Variants in SLC23A2 observed in about 807,000 individuals in gnomAD.
SLC23A2 encodes Na(+)/L-ascorbic acid transporter 2.
SLC23A2 carries 36 observed loss-of-function variants against 73.3 expected under a neutral mutation model. That is an observed-to-expected ratio of 0.49 (90% CI 0.38 to 0.65). The LOEUF is 0.65. SLC23A2 is among the 30% of genes least tolerant of loss of function. SLC23A2 has a pLI of 0.00. For synonymous variants in SLC23A2, 343 were observed against 327.3 expected, an observed-to-expected ratio of 1.05 and a Z score of -0.52; for missense variants, 507 against 841.6, an observed-to-expected ratio of 0.60 and a Z score of 4.92.
chr20:5,006,553 T>G (rs1234002972), intron 1 of SLC23A2, among the ~76,000 whole-genome samples: 1 of 138,824 alleles, frequency 7.2e-6, no homozygotes, highest in Non-Finnish European at 1.7e-5. Context: ...GCCATTTTAT[T>G]TATTTATTTA....
At chr20:5,005,981 C>G (rs927457536), upstream of SLC23A2, among the ~76,000 whole-genome samples, 1 of 149,704 alleles carries the variant, frequency 6.7e-6, no homozygotes, top group Non-Finnish European at 1.5e-5. Context: ...AGCGAAACTC[C>G]GTCTCAAAAA....
chr20:4,994,715 C>T (rs892642335), intron 1 of SLC23A2, among the ~76,000 whole-genome samples: 7 of 151,966 alleles, frequency 4.6e-5, no homozygotes, highest in African/African-American at 7.3e-5. Flanking sequence ...GAGCCGATAT[C>T]GCACCACTGC....
chr20:5,005,952 C>T (rs1047200925), upstream of SLC23A2, among the ~76,000 whole-genome samples: 1 of 151,736 alleles, frequency 6.6e-6, no homozygotes, highest in African/African-American at 2.4e-5. Context: ...CACCATTGTA[C>T]TCCAGCCTGG....
chr20:4,978,557 C>A (rs970541809), intron 1 of SLC23A2, among the ~76,000 whole-genome samples: 4 of 152,150 alleles, frequency 2.6e-5, no homozygotes, highest in Non-Finnish European at 5.9e-5. Context: ...ACAAAAGGGG[C>A]TTAGAAATCC....
chr20:4,917,101 G>A (rs1235894604), intron 3 of SLC23A2, among the ~76,000 whole-genome samples: 6 of 152,182 alleles, frequency 3.9e-5, no homozygotes, highest in African/African-American at 1.4e-4. Flanking sequence ...CCCTGCAGGA[G>A]CTCAGTCCAG....
intron 6 of SLC23A2, among the ~76,000 whole-genome samples, chr20:4,898,398 G>A (rs372884520): frequency 6.6e-5 from 10 of 152,314 alleles, no homozygotes; most frequent in African/African-American, 1.7e-4. Context: ...TCCCCGTGCC[G>A]CGTTAGGGCA....
chr20:4,952,840 T>C (rs1349247235), intron 2 of SLC23A2, among the ~76,000 whole-genome samples: 1 of 151,728 alleles, frequency 6.6e-6, no homozygotes, highest in Non-Finnish European at 1.5e-5. Context: ...CTGATCAACA[T>C]GGTGAAACTC....
intron 3 of SLC23A2, among the ~76,000 whole-genome samples, chr20:4,924,749 C>T (rs770552234): frequency 6.6e-6 from 1 of 152,258 alleles, no homozygotes; most frequent in African/African-American, 2.4e-5. Context: ...CAAAGGCCGC[C>T]TTCTTGGTGC....
intron 4 of SLC23A2, among the ~76,000 whole-genome samples, chr20:4,911,156 G>A (rs1932132075): frequency 6.6e-6 from 1 of 152,194 alleles, no homozygotes; most frequent in Admixed American, 6.5e-5. Context: ...CTGCGGCCCG[G>A]CAGTGTGGGA....
At chr20:4,896,866 T>C (rs1387265205) in intron 6 of SLC23A2, among the ~76,000 whole-genome samples, 1 of 152,204 alleles carries the variant, frequency 6.6e-6, no homozygotes, top group Non-Finnish European at 1.5e-5. Context: ...CTCTGGCCTC[T>C]GTGTGCCTGG....
At chr20:4,925,382 C>T (rs1932634265) in intron 3 of SLC23A2, among the ~76,000 whole-genome samples, 1 of 152,134 alleles carries the variant, frequency 6.6e-6, no homozygotes, top group Non-Finnish European at 1.5e-5. Flanking sequence ...TATTTTTCTT[C>T]ACAGAATTAG....
rs1931679228 is a variant in SLC23A2, at chr20:4,899,793, T to G, written c.325-81A>C. The stretch of plus-strand genomic sequence containing the variant: ...TGATTTCATCCTAATTCTTCTCTCT[T>G]ATTGTCGTTAAAAAATAGCCCACAT... On this transcript the variant is annotated intron_variant, in intron 5 of 16. Coordinates refer to ENST00000338244, the MANE Select transcript of SLC23A2 (RefSeq NM_005116.6). The surrounding 1 kb of genome is among the most constrained non-coding windows in gnomAD (Gnocchi z 4.9). 1 of 1,407,546 alleles carries G rather than the reference T, an allele frequency of 7.1e-7. No individual in the cohort carries two copies. Among genetic ancestry groups the G allele is most frequent in the East Asian group, 2.3e-5 (1 of 43,342 alleles). 87.2% of individuals were successfully genotyped at this position (1,407,546 alleles called of 1,614,324 possible). A position where few individuals can be genotyped will look rare whatever the true frequency, so the allele number is the denominator to read the frequency against.
At chr20:4,870,618 G>C (rs1930410427) in intron 11 of SLC23A2, among the ~76,000 whole-genome samples, 2 of 151,956 alleles carry the variant, frequency 1.3e-5, no homozygotes, top group Non-Finnish European at 2.9e-5. Context: ...TTGTTGGGCT[G>C]GAAGAGGCTG....
intron 4 of SLC23A2, among the ~76,000 whole-genome samples, chr20:4,912,091 C>T (rs1185982488): frequency 4.6e-5 from 7 of 151,602 alleles, no homozygotes; most frequent in South Asian, 2.1e-4. Context: ...GCAATCTTCC[C>T]GCCTCAGCCT....
chr20:4,901,048 G>T (rs1016476919), intron 5 of SLC23A2, among the ~76,000 whole-genome samples: 25 of 152,166 alleles, frequency 1.6e-4, no homozygotes, highest in Non-Finnish European at 3.1e-4. Flanking sequence ...ACTCCTATCT[G>T]ACCAGGGAAG....
At chr20:4,861,243 A>T (rs6037994) in intron 15 of SLC23A2, among the ~76,000 whole-genome samples, 15,663 of 152,168 alleles carry the variant, frequency 0.1, 983 homozygotes, top group African/African-American at 0.16. Context: ...TTTACTGCTT[A>T]ATGAGTTTGG....
At chr20:4,864,947 C>A (rs1370699764) in intron 13 of SLC23A2, among the ~76,000 whole-genome samples, 1 of 152,250 alleles carries the variant, frequency 6.6e-6, no homozygotes, top group Admixed American at 6.5e-5. Flanking sequence ...GAAGACTGAT[C>A]TGCCTTTGAT....
At chr20:4,878,623 C>T (rs1568606817) in intron 9 of SLC23A2, among the ~76,000 whole-genome samples, 2 of 152,174 alleles carry the variant, frequency 1.3e-5, no homozygotes, top group African/African-American at 4.8e-5. Context: ...TTTCTTCTAG[C>T]ACTTTTATGG....
intron 6 of SLC23A2, among the ~76,000 whole-genome samples, chr20:4,896,105 G>T (rs554207173): frequency 1.2e-4 from 19 of 152,104 alleles, no homozygotes; most frequent in Admixed American, 1.0e-3. Flanking sequence ...GGAGAGACGT[G>T]GGGGGGATGA....
Sources: gnomAD v4.1 joint callset for allele counts (sites outside exome capture counted in the v4.1 genomes callset) on GRCh38, gnomAD v4.1.1 for gene constraint, Gnocchi (gnomAD v3.1) non-coding constraint, MANE v1.5 for transcripts, NCBI Gene and HGNC (gene_info 2026-07-23, HGNC 2026-07-21) for gene names.